Variants in FAM184A observed in about 807,000 individuals in gnomAD.
FAM184A encodes protein FAM184A.
Under a neutral mutation model 143.8 loss-of-function variants are expected in FAM184A, and 99 were observed. The observed-to-expected ratio is 0.69, with a 90% CI of 0.58 to 0.81. The LOEUF is 0.81. Among genes scored for constraint, FAM184A ranks in the 40% least tolerant of loss-of-function variants. FAM184A has a pLI of 0.00. For synonymous variants in FAM184A, 427 were observed against 446.4 expected (o/e 0.96, Z 0.55); for missense variants, 1,217 against 1,310.5 (o/e 0.93, Z 1.10).
At chr6:119,113,439 T>C (rs1562155644) in intron 1 of FAM184A, among the ~76,000 whole-genome samples, 1 of 152,018 alleles carries the variant, frequency 6.6e-6, no homozygotes, top group Non-Finnish European at 1.5e-5. Flanking sequence ...GTGATGCTTC[T>C]GAAACCAGTT....
At chr6:119,058,292 T>G (rs1247931767) in intron 1 of FAM184A, among the ~76,000 whole-genome samples, 1 of 147,858 alleles carries the variant, frequency 6.8e-6, no homozygotes, top group African/African-American at 2.5e-5. Context: ...CAAGCAATTC[T>G]CCTGCCTCAG....
intron 1 of FAM184A, among the ~76,000 whole-genome samples, chr6:119,067,933 C>G (rs940767886): frequency 6.6e-6 from 1 of 152,042 alleles, no homozygotes; most frequent in African/African-American, 2.4e-5. Context: ...GATGGCACCC[C>G]TGCACTCCAG....
intron 1 of FAM184A, among the ~76,000 whole-genome samples, chr6:119,029,938 G>T (rs561266583): frequency 1.6e-4 from 25 of 152,192 alleles, no homozygotes; most frequent in African/African-American, 6.0e-4. Context: ...ACAAACTCCT[G>T]TTCTAATCTA....
At chr6:119,130,029 C>T (rs1031554871) in intron 1 of FAM184A, among the ~76,000 whole-genome samples, 6 of 144,502 alleles carry the variant, frequency 4.2e-5, no homozygotes, top group African/African-American at 1.5e-4. Flanking sequence ...AACAGAGGCT[C>T]GCAAGGTTTT....
intron 15 of FAM184A, 118 bp from the exon 16 acceptor site, chr6:118,964,889 T>A (rs567861181): frequency 3.4e-6 from 2 of 589,726 alleles, no homozygotes; most frequent in Non-Finnish European, 5.9e-6. Flanking sequence ...AAGATTTAGA[T>A]ACTTTGTTTA....
At chr6:119,100,616 T>C (rs1547829) in intron 1 of FAM184A, among the ~76,000 whole-genome samples, 95,747 of 150,548 alleles carry the variant, frequency 0.64, 31,291 homozygotes, top group East Asian at 0.96. Flanking sequence ...GCTAGTTTAG[T>C]TTTTACCTCT....
At chr6:119,133,060 A>C (rs2114878571) in intron 1 of FAM184A, among the ~76,000 whole-genome samples, 1 of 152,322 alleles carries the variant, frequency 6.6e-6, no homozygotes, top group East Asian at 1.9e-4. Flanking sequence ...ATCTTATTTG[A>C]TTCTGCTTGT....
chr6:119,116,632 C>A (rs574501919), intron 1 of FAM184A, among the ~76,000 whole-genome samples: 1 of 152,144 alleles, frequency 6.6e-6, no homozygotes. Context: ...CATTACAAGG[C>A]GATAAATGTC....
chr6:119,002,271 G>A (rs189734607), intron 9 of FAM184A, among the ~76,000 whole-genome samples: 96 of 152,270 alleles, frequency 6.3e-4, no homozygotes, highest in Non-Finnish European at 1.2e-3. Flanking sequence ...CCTATTTAAT[G>A]ACTTGCTCTG....
chr6:119,014,225 A>G (rs1582504724), intron 5 of FAM184A, among the ~76,000 whole-genome samples: 2 of 152,374 alleles, frequency 1.3e-5, no homozygotes, highest in East Asian at 3.9e-4. Flanking sequence ...ACTAATAACT[A>G]ATTTTTATCA....
intron 1 of FAM184A, among the ~76,000 whole-genome samples, chr6:119,115,163 C>T (rs1348166367): frequency 6.6e-6 from 1 of 152,110 alleles, no homozygotes; most frequent in Non-Finnish European, 1.5e-5. Context: ...TTCCATCAAC[C>T]ATATTTAAAC....
Position 119,078,137 on chromosome 6 carries a change from T to C in FAM184A, c.159+4A>G. The C allele has an allele frequency of 6.3e-7, 1 of 1,584,730 alleles. No homozygotes were observed. The highest frequency in any genetic ancestry group is 8.6e-7 in the Non-Finnish European group (1 of 1,167,898). On this transcript the variant is annotated splice_donor_region_variant and intron_variant, in intron 1 of 17. Transcript: ENST00000338891. This position sits in a 1 kb window ranked among gnomAD's most constrained non-coding sequence, Gnocchi z 5.5. ...GCCACCTGCCCCGTCGCTGCCCCCCTTACCTTGGTGAGCTGGGCGATTTTC... is the reference window on the plus strand; with the variant it reads ...GCCACCTGCCCCGTCGCTGCCCCCCCTACCTTGGTGAGCTGGGCGATTTTC...
At chr6:118,976,459 T>C (rs1348505818) in intron 11 of FAM184A, among the ~76,000 whole-genome samples, 2 of 151,988 alleles carry the variant, frequency 1.3e-5, no homozygotes, top group Non-Finnish European at 2.9e-5. Flanking sequence ...GGTCAGGAGT[T>C]CGAGACCAGC....
chr6:118,968,437 C>T (rs1783566914), intron 14 of FAM184A, among the ~76,000 whole-genome samples: 1 of 152,128 alleles, frequency 6.6e-6, no homozygotes, highest in Non-Finnish European at 1.5e-5. Context: ...TCTTTTGTGA[C>T]AATAGAGACC....
chr6:119,002,756 C>T (rs1243294336), intron 9 of FAM184A, 143 bp downstream of exon 9: 1 of 699,422 alleles, frequency 1.4e-6, no homozygotes, highest in Non-Finnish European at 2.2e-6. Context: ...ATACATCTTC[C>T]TGGTTTTATG....
intron 1 of FAM184A, among the ~76,000 whole-genome samples, chr6:119,114,613 C>T (rs998692249): frequency 6.6e-6 from 1 of 152,230 alleles, no homozygotes; most frequent in East Asian, 1.9e-4. Context: ...ATGATAACTA[C>T]TCACTGCAAC....
intron 1 of FAM184A, among the ~76,000 whole-genome samples, chr6:119,135,261 T>C (rs913120288): frequency 1.3e-5 from 2 of 152,148 alleles, no homozygotes; most frequent in South Asian, 4.1e-4. Flanking sequence ...GCGAGCCATA[T>C]ATATGACATA....
chr6:119,023,055 G>A lies in FAM184A; in HGVS notation c.1040C>T (p.Ala347Val), dbSNP rs1785503538. The A allele has an allele frequency of 6.2e-7, 1 of 1,613,852 alleles. No homozygotes were observed. The highest frequency in any genetic ancestry group is 1.3e-5 in the African/African-American group (1 of 74,856). ...VQVLQKQLDDAKEGEMALLSK... is the reference protein window; with the variant it reads ...VQVLQKQLDDVKEGEMALLSK... ...TAATAGGGCCATTTCTCCCTCCTTG[G>A]CATCATCAAGCTGTTTTTGAAGAAC... Residue 347 changes from alanine to valine, a missense_variant, in exon 3 of 18, where the codon GCC becomes GTC. Ala to Val is a moderately conservative substitution (Grantham distance 64). Coordinates refer to ENST00000338891, the MANE Select transcript of FAM184A (RefSeq NM_024581.6).
intron 1 of FAM184A, among the ~76,000 whole-genome samples, chr6:119,113,011 C>G (rs1427923153): frequency 6.6e-6 from 1 of 152,026 alleles, no homozygotes; most frequent in African/African-American, 2.4e-5. Context: ...CTTCCTGTCT[C>G]TCTGGCAGAG....
Sources: gnomAD v4.1 joint callset for allele counts (sites outside exome capture counted in the v4.1 genomes callset) on GRCh38, gnomAD v4.1.1 for gene constraint, Gnocchi (gnomAD v3.1) non-coding constraint, MANE v1.5 for transcripts, NCBI Gene and HGNC (gene_info 2026-07-23, HGNC 2026-07-21) for gene names.